PTBP3: variants seen among roughly 807,000 people sequenced by gnomAD.
PTBP3 encodes polypyrimidine tract-binding protein 3.
Under a neutral mutation model 58.7 loss-of-function variants are expected in PTBP3, and 20 were observed. The observed-to-expected ratio is 0.34, with a 90% CI of 0.24 to 0.50. PTBP3 has a LOEUF of 0.50. PTBP3 is among the 20% of genes least tolerant of loss of function. The probability of loss-of-function intolerance (pLI) is 0.98; values close to 1 mark genes in which losing one functional copy is unlikely to be tolerated. For synonymous variants in PTBP3, 185 were observed against 219.8 expected (o/e 0.84, Z 1.40); for missense variants, 509 against 637.2 (o/e 0.80, Z 2.17).
At chr9:112,357,004 C>T in the PTBP3 span, among the ~76,000 whole-genome samples, 6 of 150,492 alleles carry the variant, frequency 4.0e-5, no homozygotes, top group East Asian at 2.0e-4. Flanking sequence ...CTCAGTCTCC[C>T]GAGTAACTGG....
chr9:112,371,646 A>ATTTTTTTTTTTTTTTTTTTTTTTTTT, the PTBP3 span, among the ~76,000 whole-genome samples: 1 of 127,544 alleles, frequency 7.8e-6, no homozygotes, highest in Non-Finnish European at 1.6e-5. Flanking sequence ...TTTTTAGTAG[A>ATTTTTTTTTTTTTTTTTTTTTTTTTT]TTTTTTTTTT....
chr9:112,347,847 T>A, the PTBP3 span, among the ~76,000 whole-genome samples: 1 of 152,208 alleles, frequency 6.6e-6, no homozygotes, highest in South Asian at 2.1e-4. Flanking sequence ...GATTTCATCA[T>A]CTCTAGTCCT....
At chr9:112,332,724 T>A in intron 1 of PTBP3, 1 of 1,594,666 alleles carries the variant, frequency 6.3e-7, no homozygotes, top group South Asian at 1.1e-5. Context: ...CGGACCCCCA[T>A]TAAATTTTTG....
chr9:112,373,865 TA>T, the PTBP3 span, among the ~76,000 whole-genome samples: 4 of 152,228 alleles, frequency 2.6e-5, no homozygotes, highest in Non-Finnish European at 5.9e-5. Context: ...TCATGACAAT[TA>T]CAGTCCTTGT....
chr9:112,308,377 AAAAAC>A (rs1272989075), intron 1 of PTBP3, among the ~76,000 whole-genome samples: 4 of 151,200 alleles, frequency 2.6e-5, no homozygotes, highest in African/African-American at 9.8e-5. Context: ...AAAAAAAAAA[AAAAAC>A]TTTTCTTTCC....
At chr9:112,309,593 C>G (rs1400885991) in intron 1 of PTBP3, among the ~76,000 whole-genome samples, 1 of 152,018 alleles carries the variant, frequency 6.6e-6, no homozygotes, top group Non-Finnish European at 1.5e-5. Context: ...TGAGACCAGT[C>G]TGGCCAACAT....
At chr9:112,377,757 C>T in the PTBP3 span, among the ~76,000 whole-genome samples, 1 of 152,176 alleles carries the variant, frequency 6.6e-6, no homozygotes, top group South Asian at 2.1e-4. Context: ...TTCAAGACAT[C>T]TATTTTTCAA....
chr9:112,292,004 A>G (rs1488757111), intron 2 of PTBP3, among the ~76,000 whole-genome samples: 2 of 152,214 alleles, frequency 1.3e-5, no homozygotes, highest in Non-Finnish European at 2.9e-5. Context: ...AAGAGCTACT[A>G]CAACTCAACA....
chr9:112,304,858 T>C (rs757525671), intron 1 of PTBP3, among the ~76,000 whole-genome samples: 1 of 152,220 alleles, frequency 6.6e-6, no homozygotes, highest in Non-Finnish European at 1.5e-5. Context: ...TTATTTTTAG[T>C]AGATTATTAA....
chr9:112,248,661 TA>T lies in PTBP3; in HGVS notation c.802+2267del, dbSNP rs34995667. ...TCACTCCTTTCAGTAGGAGATGGCT[TA>T]AAAAAATTATTTTAATCTCACAATG... On this transcript the variant is annotated intron_variant, in intron 7 of 13. Transcript: ENST00000374257. Among the ~76,000 whole-genome samples, 72 of 152,260 alleles carry T rather than the reference TA, an allele frequency of 4.7e-4. No homozygotes were observed. The Middle Eastern group carries it at 0.01, about 22-fold the overall frequency.
Position 112,223,857 on chromosome 9 carries a change from T to C in PTBP3, c.1569A>G (p.Thr523=). The C allele has an allele frequency of 6.2e-7, 1 of 1,613,444 alleles. No individual in the cohort carries two copies. Among genetic ancestry groups the C allele is most frequent in the Non-Finnish European group, 8.5e-7 (1 of 1,179,542 alleles). The change falls in exon 14 of 14, where the codon ACA becomes ACG. Residue 523 remains threonine, a synonymous_variant. Transcript: ENST00000374257. ...AGAAAAATTCACAGAAAAGTCAGAT[T>C]GTAGATTTTGAGAAGGAAACTCTGA... ...HHLRVSFSKS[T]I
At chr9:112,379,828 A>G in the PTBP3 span, 57 of 492,266 alleles carry the variant, frequency 1.2e-4, no homozygotes, top group Non-Finnish European at 1.9e-4. Flanking sequence ...GTAGCGGCTG[A>G]CGCTGCCCAG....
At chr9:112,308,731 C>T (rs1829345902) in intron 1 of PTBP3, among the ~76,000 whole-genome samples, 2 of 151,990 alleles carry the variant, frequency 1.3e-5, no homozygotes, top group Admixed American at 6.6e-5. Flanking sequence ...AGGGGAGTGG[C>T]GGGGCAGGTG....
intron 1 of PTBP3, among the ~76,000 whole-genome samples, chr9:112,314,475 C>T (rs1466608988): frequency 6.6e-6 from 1 of 152,100 alleles, no homozygotes. Context: ...GTGGGAGGTT[C>T]GCTTGAGCCC....
chr9:112,313,352 TGC>T (rs1232412451), intron 1 of PTBP3, among the ~76,000 whole-genome samples: 1 of 152,206 alleles, frequency 6.6e-6, no homozygotes, highest in Admixed American at 6.5e-5. Flanking sequence ...TACAGGTGTG[TGC>T]CACTACACCC....
At chr9:112,260,559 T>A (rs576304312) in intron 5 of PTBP3, among the ~76,000 whole-genome samples, 13 of 152,280 alleles carry the variant, frequency 8.5e-5, no homozygotes, top group Admixed American at 2.6e-4. Flanking sequence ...GCCAGGTGAC[T>A]ACCTGGGTAA....
At position 112,221,379 on chromosome 9, in the gene PTBP3, T is replaced by C. The variant is rs1834800848; in HGVS notation, c.*2472A>G. The C allele has an allele frequency of 1.0e-6, 1 of 985,832 alleles. No individual in the cohort carries two copies. Among genetic ancestry groups the C allele is most frequent in the Non-Finnish European group, 1.2e-6 (1 of 829,918 alleles). The allele number at this position is 985,832 out of a possible 1,614,324, so 61.1% of individuals were successfully genotyped here. ...GGCCATTCCCTACTTCAAAGTTACA[T>C]TCAACACCACTATGATCCCCTTCCG... On this transcript the variant is annotated 3_prime_UTR_variant, in exon 14 of 14. Coordinates refer to ENST00000374257, the MANE Select transcript of PTBP3 (RefSeq NM_001163788.4).
chr9:112,364,969 G>A, the PTBP3 span, among the ~76,000 whole-genome samples: 1 of 152,134 alleles, frequency 6.6e-6, no homozygotes, highest in Non-Finnish European at 1.5e-5. Context: ...CCCAGCCTCT[G>A]GCAGCCACCC....
chr9:112,267,243 G>C (rs1325700931), intron 4 of PTBP3, among the ~76,000 whole-genome samples: 2 of 147,606 alleles, frequency 1.4e-5, no homozygotes, highest in African/African-American at 2.5e-5. Context: ...TCGGCTCACC[G>C]CAAGCTCCGC....
Sources: gnomAD v4.1 joint callset for allele counts (sites outside exome capture counted in the v4.1 genomes callset) on GRCh38, gnomAD v4.1.1 for gene constraint, MANE v1.5 for transcripts, NCBI Gene and HGNC (gene_info 2026-07-23, HGNC 2026-07-21) for gene names.